ANKRD31: variants seen among roughly 807,000 people sequenced by gnomAD.
ANKRD31 encodes ankyrin repeat domain 31, also known as ankyrin repeat domain-containing protein 31.
In ANKRD31, 147 loss-of-function variants were observed where a neutral mutation model predicts 186.0. That is an observed-to-expected ratio of 0.79 (90% CI 0.69 to 0.91). The LOEUF (loss-of-function observed/expected upper bound fraction) is 0.91. ANKRD31 is among the 40% of genes least tolerant of loss of function. ANKRD31 has a pLI of 0.00. For missense variants in ANKRD31, 1,986 were observed against 2,148.8 expected (o/e 0.92, Z 1.50); for synonymous variants, 673 against 736.4 (o/e 0.91, Z 1.39).
chr5:75,224,705 G>T (rs1259823548), intron 2 of ANKRD31, among the ~76,000 whole-genome samples: 3 of 152,048 alleles, frequency 2.0e-5, no homozygotes, highest in African/African-American at 7.2e-5. Context: ...GATTAAAAAT[G>T]TATCTTTATG....
intron 10 of ANKRD31, among the ~76,000 whole-genome samples, chr5:75,186,196 C>G (rs1193377952): frequency 6.6e-6 from 1 of 152,074 alleles, no homozygotes; most frequent in Non-Finnish European, 1.5e-5. Context: ...CCCAAATCTG[C>G]AGGTTGGGAG....
intron 25 of ANKRD31, among the ~76,000 whole-genome samples, chr5:75,076,702 G>A (rs1009600885): frequency 1.3e-5 from 2 of 152,164 alleles, no homozygotes; most frequent in African/African-American, 2.4e-5. Context: ...TCAAGGCTTG[G>A]TCTTTCTGAT....
At chr5:75,091,466 T>C in intron 22 of ANKRD31, 65 bp from the exon 23 acceptor site, 1 of 1,461,256 alleles carries the variant, frequency 6.8e-7, no homozygotes, top group Non-Finnish European at 9.1e-7. Flanking sequence ...TTTTTGCTTC[T>C]GGCCATGACA....
chr5:75,135,767 T>C (rs1338504520), intron 17 of ANKRD31, among the ~76,000 whole-genome samples: 1 of 152,028 alleles, frequency 6.6e-6, no homozygotes, highest in Non-Finnish European at 1.5e-5. Flanking sequence ...CTTCAAACTA[T>C]ACAACAAGGC....
intron 22 of ANKRD31, among the ~76,000 whole-genome samples, chr5:75,102,190 C>T (rs116356763): frequency 0.032 from 4,895 of 152,272 alleles, 151 homozygotes; most frequent in African/African-American, 0.08. Context: ...GAGTTTGCTG[C>T]AGGTCCACTC....
chr5:75,075,530 C>T, intron 25 of ANKRD31, among the ~76,000 whole-genome samples: 1 of 152,108 alleles, frequency 6.6e-6, no homozygotes, highest in Non-Finnish European at 1.5e-5. Flanking sequence ...AATTATAATA[C>T]TCAATATACT....
At chr5:75,161,038 TAA>T (rs1344848104) in intron 11 of ANKRD31, among the ~76,000 whole-genome samples, 1 of 152,088 alleles carries the variant, frequency 6.6e-6, no homozygotes, top group African/African-American at 2.4e-5. Flanking sequence ...ACTAAAACAG[TAA>T]ATTGGTACCA....
At chr5:75,232,338 A>C (rs1036268607) in intron 1 of ANKRD31, among the ~76,000 whole-genome samples, 2 of 152,106 alleles carry the variant, frequency 1.3e-5, no homozygotes, top group Non-Finnish European at 2.9e-5. Context: ...ATCTCAGCTC[A>C]CTACAACCTC....
chr5:75,155,117 T>C (rs923277658), intron 11 of ANKRD31, among the ~76,000 whole-genome samples: 6 of 152,162 alleles, frequency 3.9e-5, no homozygotes, highest in African/African-American at 7.2e-5. Context: ...AGGAAATTAA[T>C]GAATATGGTT....
At position 75,193,491 on chromosome 5, in the gene ANKRD31, G is replaced by A; in HGVS notation, c.1118C>T (p.Thr373Ile). ...LSNKRNSNSV[T>I]NSSDQETACV... ...CGCAGTTTCCTGATCAGAGCTATTT[G>A]TCACTGAATTTGAATTTCTCTTATT... is the stretch of plus-strand genomic sequence containing the variant. The change falls in exon 8 of 26, where the codon ACA (threonine) becomes ATA (isoleucine). Residue 373 changes from threonine to isoleucine, a missense_variant. Thr to Ile is a moderately conservative substitution (Grantham distance 89, BLOSUM62 -1). Coordinates refer to ENST00000506364, the MANE Select transcript of ANKRD31 (RefSeq NM_001372053.1). The A allele has an allele frequency of 1.3e-6, 2 of 1,537,206 alleles. No homozygotes were observed. Among genetic ancestry groups the A allele is most frequent in the Non-Finnish European group, 1.7e-6 (2 of 1,146,746 alleles).
chr5:75,229,747 C>T (rs2150319454), intron 2 of ANKRD31, among the ~76,000 whole-genome samples: 1 of 151,750 alleles, frequency 6.6e-6, no homozygotes, highest in Non-Finnish European at 1.5e-5. Context: ...TGCACATAGT[C>T]CCAGCTACTC....
chr5:75,169,546 A>G (rs1361174761), intron 10 of ANKRD31, among the ~76,000 whole-genome samples: 1 of 152,126 alleles, frequency 6.6e-6, no homozygotes, highest in Non-Finnish European at 1.5e-5. Context: ...GTTCAAAAGG[A>G]TATATTCATT....
At chr5:75,156,145 T>TCCA (rs1041890109) in intron 11 of ANKRD31, among the ~76,000 whole-genome samples, 38 of 152,254 alleles carry the variant, frequency 2.5e-4, no homozygotes, top group African/African-American at 8.7e-4. Flanking sequence ...CCTCAAGAGA[T>TCCA]CCACTCACCT....
At chr5:75,136,559 A>C (rs923951382) in intron 17 of ANKRD31, among the ~76,000 whole-genome samples, 1 of 152,152 alleles carries the variant, frequency 6.6e-6, no homozygotes, top group Non-Finnish European at 1.5e-5. Flanking sequence ...CTTTTACACC[A>C]TTGGTGGGAC....
At chr5:75,167,974 G>C (rs1561496031) in intron 11 of ANKRD31, among the ~76,000 whole-genome samples, 1 of 152,072 alleles carries the variant, frequency 6.6e-6, no homozygotes, top group Non-Finnish European at 1.5e-5. Flanking sequence ...ACATGTCCAA[G>C]CCTGCATTCT....
chr5:75,083,456 T>C (rs6858969), intron 24 of ANKRD31, among the ~76,000 whole-genome samples: 77,175 of 152,032 alleles, frequency 0.51, 22,648 homozygotes, highest in African/African-American at 0.82. Context: ...AGGCCAGGCA[T>C]GGTGGCTCAC....
chr5:75,159,979 G>C (rs755775701), intron 11 of ANKRD31, among the ~76,000 whole-genome samples: 1 of 151,986 alleles, frequency 6.6e-6, no homozygotes, highest in Non-Finnish European at 1.5e-5. Context: ...AGCTGAATTG[G>C]AGTAAAACAA....
chr5:75,141,726 C>T (rs921012478), intron 15 of ANKRD31, among the ~76,000 whole-genome samples: 9 of 151,804 alleles, frequency 5.9e-5, no homozygotes, highest in African/African-American at 2.2e-4. Context: ...TCATGTGAGC[C>T]TGGGAGGTCA....
chr5:75,179,264 T>G (rs906728312), intron 10 of ANKRD31, among the ~76,000 whole-genome samples: 3 of 151,898 alleles, frequency 2.0e-5, no homozygotes, highest in Admixed American at 6.6e-5. Flanking sequence ...CCAAAAAAAG[T>G]CCAGGACCAG....
Sources: allele counts gnomAD v4.1 joint callset (sites outside exome capture counted in the v4.1 genomes callset), GRCh38; gene constraint gnomAD v4.1.1; transcripts MANE v1.5; gene names NCBI Gene and HGNC (gene_info 2026-07-23, HGNC 2026-07-21).